SERPINI1: variants seen among roughly 807,000 people sequenced by gnomAD.
SERPINI1 encodes the protein neuroserpin.
In SERPINI1, 19 loss-of-function variants were observed where a neutral mutation model predicts 41.1. The ratio of observed to expected loss-of-function variants is 0.46; its 90% confidence interval spans 0.32 to 0.68. The LOEUF (loss-of-function observed/expected upper bound fraction) is 0.68, where lower values mean the gene tolerates loss of function less well. SERPINI1 is among the 30% of genes least tolerant of loss of function. SERPINI1 has a pLI of 0.03. For missense variants in SERPINI1, 460 were observed against 479.2 expected (o/e 0.96, Z 0.37); for synonymous variants, 138 against 156.6 (o/e 0.88, Z 0.89).
At chr3:167,784,130 T>G (rs928464116) in intron 1 of SERPINI1, among the ~76,000 whole-genome samples, 3 of 148,160 alleles carry the variant, frequency 2.0e-5, no homozygotes, top group Non-Finnish European at 4.5e-5. Context: ...CATCTAACAT[T>G]GCTTTTTTTT....
chr3:167,757,515 C>CAT (rs1235627571), intron 1 of SERPINI1, among the ~76,000 whole-genome samples: 1 of 151,870 alleles, frequency 6.6e-6, no homozygotes, highest in African/African-American at 2.4e-5. Flanking sequence ...CTCTCTCACA[C>CAT]ACACACACAC....
chr3:167,808,417 T>C lies in SERPINI1; in HGVS notation c.979+1076T>C, dbSNP rs1711735828. ...AAAAAGGCAACAATGAACTTAAGACTGAGTAAATAAGTTATATAAGGATTA... is the reference window on the plus strand; with the variant it reads ...AAAAAGGCAACAATGAACTTAAGACCGAGTAAATAAGTTATATAAGGATTA... On this transcript the variant is annotated intron_variant, in intron 6 of 8. Transcript: ENST00000446050. Among the ~76,000 whole-genome samples, 3 of 152,062 alleles carry C rather than the reference T, an allele frequency of 2.0e-5. 1 individual carries two copies. Among genetic ancestry groups the C allele is most frequent in the African/African-American group, 7.2e-5 (3 of 41,506 alleles).
intron 2 of SERPINI1, among the ~76,000 whole-genome samples, chr3:167,790,140 A>G (rs189828854): frequency 9.2e-5 from 14 of 152,318 alleles, no homozygotes; most frequent in Non-Finnish European, 1.6e-4. Flanking sequence ...TAGCAAAATA[A>G]CAATGAAATA....
intron 1 of SERPINI1, among the ~76,000 whole-genome samples, chr3:167,771,726 C>T (rs1352315771): frequency 1.3e-5 from 2 of 152,152 alleles, no homozygotes; most frequent in Non-Finnish European, 2.9e-5. Context: ...AATTATTTGG[C>T]ACAAGTAGGA....
chr3:167,806,022 T>C (rs1378542777), intron 5 of SERPINI1, among the ~76,000 whole-genome samples: 3 of 152,102 alleles, frequency 2.0e-5, no homozygotes, highest in Admixed American at 6.6e-5. Flanking sequence ...CACATTCACA[T>C]GTATGTATAT....
Position 167,824,469 on chromosome 3 carries a change from G to T in SERPINI1, c.1067-4G>T, listed in dbSNP as rs1414777080. The stretch of plus-strand genomic sequence containing the variant: ...CATATAATTACTTTTTATCTGCACT[G>T]TAGGAATGATTGCAATTAGTAGGAT... On this transcript the variant is annotated splice_region_variant and splice_polypyrimidine_tract_variant and intron_variant, in intron 7 of 8. Transcript: ENST00000446050. The T allele has an allele frequency of 1.2e-6, 2 of 1,610,202 alleles. No homozygotes were observed. Among genetic ancestry groups the T allele is most frequent in the East Asian group, 2.2e-5 (1 of 44,776 alleles).
At chr3:167,758,041 C>G (rs938920343) in intron 1 of SERPINI1, among the ~76,000 whole-genome samples, 5 of 152,186 alleles carry the variant, frequency 3.3e-5, no homozygotes, top group Non-Finnish European at 7.3e-5. Context: ...TAACACAAAT[C>G]CCTATGCAAC....
chr3:167,741,508 C>A (rs1725676208), intron 1 of SERPINI1, among the ~76,000 whole-genome samples: 1 of 152,146 alleles, frequency 6.6e-6, no homozygotes, highest in Non-Finnish European at 1.5e-5. Context: ...TTCTTGATAA[C>A]CTAGATTTTG....
chr3:167,737,765 C>T (rs1489341526), intron 1 of SERPINI1, among the ~76,000 whole-genome samples: 1 of 152,100 alleles, frequency 6.6e-6, no homozygotes, highest in Non-Finnish European at 1.5e-5. Context: ...AGATAAATAT[C>T]TAAACAGTTG....
chr3:167,772,889 T>TATATATATATATATATAC (rs1470005015), intron 1 of SERPINI1, among the ~76,000 whole-genome samples: 2 of 77,134 alleles, frequency 2.6e-5, no homozygotes, highest in East Asian at 7.4e-4. Context: ...TATATATATA[T>TATATATATATATATATAC]ATATACACAC....
intron 1 of SERPINI1, among the ~76,000 whole-genome samples, chr3:167,748,752 C>CTGTGTGTG (rs34438429): frequency 0.019 from 2,773 of 143,610 alleles, 32 homozygotes; most frequent in Non-Finnish European, 0.022. Flanking sequence ...GTGTGTTACT[C>CTGTGTGTG]TGTGTGTGTG....
At chr3:167,762,461 C>G (rs1308507756) in intron 1 of SERPINI1, among the ~76,000 whole-genome samples, 1 of 152,162 alleles carries the variant, frequency 6.6e-6, no homozygotes, top group African/African-American at 2.4e-5. Context: ...TGCTCAGTTT[C>G]TAAATTTTTG....
At chr3:167,759,400 G>GTGTATATATATATATA (rs964402772) in intron 1 of SERPINI1, among the ~76,000 whole-genome samples, 83 of 121,156 alleles carry the variant, frequency 6.9e-4, no homozygotes, top group African/African-American at 2.3e-3. Flanking sequence ...AGAAAATGTG[G>GTGTATATATATATATA]TATATATATA....
At chr3:167,765,219 G>C (rs1363881050) in intron 1 of SERPINI1, among the ~76,000 whole-genome samples, 1 of 152,238 alleles carries the variant, frequency 6.6e-6, no homozygotes, top group Non-Finnish European at 1.5e-5. Context: ...CCCTAGCAGA[G>C]GTACTGCATG....
intron 1 of SERPINI1, among the ~76,000 whole-genome samples, chr3:167,771,739 G>A (rs533971818): frequency 3.9e-5 from 6 of 152,326 alleles, no homozygotes; most frequent in South Asian, 4.1e-4. Flanking sequence ...AAGTAGGACC[G>A]ATATGTTAAA....
chr3:167,744,596 T>C (rs1471478321), intron 1 of SERPINI1, among the ~76,000 whole-genome samples: 1 of 142,076 alleles, frequency 7.0e-6, no homozygotes, highest in Non-Finnish European at 1.5e-5. Context: ...TTAACTATAT[T>C]GTTATTTTTT....
chr3:167,742,789 C>T lies in SERPINI1; in HGVS notation c.-19+6966C>T, dbSNP rs777270907. 4.9e-4 allele frequency among the ~76,000 whole-genome samples: 74 copies of T among 149,982 alleles called. 1 individual carries two copies. Among genetic ancestry groups the T allele is most frequent in the Non-Finnish European group, 6.8e-4 (46 of 67,478 alleles). On this transcript the variant is annotated intron_variant, in intron 1 of 8. Transcript: ENST00000446050. ...ACCATGTTTATTTTAAATTTTATTT[C>T]TTCTCATTGTTATCAATTTTGTGCC...
intron 5 of SERPINI1, among the ~76,000 whole-genome samples, chr3:167,803,414 C>G (rs931995386): frequency 3.9e-5 from 6 of 151,900 alleles, no homozygotes; most frequent in Admixed American, 1.3e-4. Flanking sequence ...CATACGACAC[C>G]CTAACATCTA....
chr3:167,790,579 AG>A lies in SERPINI1; in HGVS notation c.459del (p.Lys153AsnfsTer11). 6.2e-7 allele frequency: 1 copy of A among 1,613,350 alleles called. No individual in the cohort carries two copies. Among genetic ancestry groups the A allele is most frequent in the Non-Finnish European group, 8.5e-7 (1 of 1,179,428 alleles). The stretch of plus-strand genomic sequence containing the variant: ...GTAGCCGTGGCCAACTACATCAATA[AG>A]TGGGTGGAGAATAACACAAACAGTA... ...QNVAVANYIN[K>X]WVENNTNNLV... On this transcript the variant is annotated frameshift_variant, in exon 3 of 9. Transcript: ENST00000446050. LOFTEE classifies it high-confidence loss of function.
Sources: gnomAD v4.1 joint callset for allele counts (sites outside exome capture counted in the v4.1 genomes callset) on GRCh38, gnomAD v4.1.1 for gene constraint, MANE v1.5 for transcripts, NCBI Gene and HGNC (gene_info 2026-07-23, HGNC 2026-07-21) for gene names.